The following MTUS1 variants were observed in gnomAD, a reference collection of about 807,000 sequenced individuals.
MTUS1 encodes the protein microtubule-associated tumor suppressor 1.
A neutral mutation model predicts 120.8 loss-of-function variants in MTUS1; 109 were observed. The ratio of observed to expected loss-of-function variants is 0.90; its 90% CI spans 0.77 to 1.06. The LOEUF (loss-of-function observed/expected upper bound fraction) is 1.06. Among genes scored for constraint, MTUS1 ranks in the 50% least tolerant of loss-of-function variants. The probability of loss-of-function intolerance (pLI) is 0.00; values close to 1 mark genes in which losing one functional copy is unlikely to be tolerated. For synonymous variants in MTUS1, 737 were observed against 550.5 expected, an observed-to-expected ratio of 1.34 and a Z score of -4.74; for missense variants, 2,210 against 1,486.3, an observed-to-expected ratio of 1.49 and a Z score of -8.01.
chr8:17,653,550 G>A (rs1807522930), intron 10 of MTUS1, 52 bp from the exon 11 acceptor site: 2 of 1,328,944 alleles, frequency 1.5e-6, no homozygotes, highest in African/African-American at 1.5e-5. Context: ...TGAGATCAAT[G>A]TACTCTAAAA....
rs186693071 is a variant in MTUS1 at position 17,653,477 on chromosome 8, A to G, written c.3236T>C (p.Ile1079Thr). 1.2e-6 allele frequency: 2 copies of G among 1,611,952 alleles called. No individual in the cohort carries two copies. Among genetic ancestry groups the G allele is most frequent in the East Asian group, 2.2e-5 (1 of 44,824 alleles). The change falls in exon 11 of 15, where the codon ATA (isoleucine) becomes ACA (threonine). Residue 1079 changes from isoleucine to threonine, a missense_variant. Ile to Thr is a moderately conservative substitution (Grantham distance 89). Coordinates refer to ENST00000693296, the MANE Select transcript of MTUS1 (RefSeq NM_001363059.2). ...SLSEIKKGHEIEKKSLEDLLS... is the reference protein window; with the variant it reads ...SLSEIKKGHETEKKSLEDLLS... Reference sequence around the variant, plus strand: ...TAAATCTTCAAGCGATTTCTTTTCTATTTCATGGCCTTTCTTAATTTCTGG... The same window carrying G: ...TAAATCTTCAAGCGATTTCTTTTCTGTTTCATGGCCTTTCTTAATTTCTGG...
chr8:17,708,178 G>C (rs568391150), intron 6 of MTUS1, among the ~76,000 whole-genome samples: 1 of 152,202 alleles, frequency 6.6e-6, no homozygotes, highest in Non-Finnish European at 1.5e-5. Flanking sequence ...ACACACCCAA[G>C]AATTGGGAGA....
Position 17,743,198 on chromosome 8 carries a change from A to G in MTUS1, c.2287+406T>C, listed in dbSNP as rs17125229. Among the ~76,000 whole-genome samples, 1,370 of 152,274 alleles carry G rather than the reference A, an allele frequency of 9.0e-3. 21 individuals carry two copies. Among genetic ancestry groups the G allele is most frequent in the African/African-American group, 0.029 (1,205 of 41,554 alleles). On this transcript the variant is annotated intron_variant, in intron 3 of 14. Transcript: ENST00000693296. ...CATATCCCTCCTAAATCTATCATAC[A>G]TCTTTCAGTAAAATTAAAAAAAAAA... is the stretch of plus-strand genomic sequence containing the variant.
At chr8:17,787,549 T>C (rs1422601599) in intron 1 of MTUS1, among the ~76,000 whole-genome samples, 4 of 152,206 alleles carry the variant, frequency 2.6e-5, no homozygotes, top group Non-Finnish European at 5.9e-5. Context: ...AGCCACCTGA[T>C]ATGAGAAGCA....
At chr8:17,671,554 A>G (rs17125059) in intron 8 of MTUS1, among the ~76,000 whole-genome samples, 6,348 of 152,294 alleles carry the variant, frequency 0.042, 443 homozygotes, top group African/African-American at 0.14. Context: ...GTGGAAACAC[A>G]CAGGCTGCTT....
At chr8:17,783,586 T>C (rs112618516) in intron 1 of MTUS1, among the ~76,000 whole-genome samples, 3,946 of 152,162 alleles carry the variant, frequency 0.026, 179 homozygotes, top group African/African-American at 0.089. Flanking sequence ...AATGTGGAAA[T>C]TCACAAGTTG....
intron 8 of MTUS1, among the ~76,000 whole-genome samples, chr8:17,673,257 G>T (rs763805060): frequency 1.3e-5 from 2 of 152,176 alleles, no homozygotes; most frequent in Admixed American, 1.3e-4. Flanking sequence ...GGATTTCCTT[G>T]AACTGTTTCA....
At chr8:17,750,671 T>C (rs978694586) in intron 2 of MTUS1, among the ~76,000 whole-genome samples, 2 of 152,222 alleles carry the variant, frequency 1.3e-5, no homozygotes, top group Middle Eastern at 3.4e-3. Context: ...TAAATAACAA[T>C]GTATGGAAAG....
intron 6 of MTUS1, among the ~76,000 whole-genome samples, chr8:17,691,095 G>C (rs1816853649): frequency 6.6e-6 from 1 of 152,146 alleles, no homozygotes; most frequent in Non-Finnish European, 1.5e-5. Flanking sequence ...TATTCCTCCA[G>C]TGTCTCTTGA....
chr8:17,708,572 A>G (rs542389169), intron 6 of MTUS1, among the ~76,000 whole-genome samples: 1 of 152,348 alleles, frequency 6.6e-6, no homozygotes, highest in Non-Finnish European at 1.5e-5. Flanking sequence ...CAGAGCTACC[A>G]ATTGAGCCAG....
At chr8:17,700,103 A>G (rs182433669) in intron 6 of MTUS1, among the ~76,000 whole-genome samples, 36 of 152,342 alleles carry the variant, frequency 2.4e-4, no homozygotes, top group African/African-American at 8.2e-4. Flanking sequence ...CAAGGACAGT[A>G]GAGGAAAAAA....
intron 1 of MTUS1, among the ~76,000 whole-genome samples, chr8:17,797,645 T>A (rs2052352216): frequency 6.6e-6 from 1 of 152,110 alleles, no homozygotes; most frequent in Non-Finnish European, 1.5e-5. Flanking sequence ...CACCACTGTA[T>A]CCGCTGCTAA....
intron 6 of MTUS1, among the ~76,000 whole-genome samples, chr8:17,711,361 G>C (rs762376935): frequency 2.6e-5 from 4 of 152,304 alleles, no homozygotes; most frequent in Non-Finnish European, 4.4e-5. Context: ...ACTCGCTGTA[G>C]CTTCTACATC....
intron 1 of MTUS1, among the ~76,000 whole-genome samples, chr8:17,784,789 C>CTT (rs35184947): frequency 0.057 from 8,364 of 147,228 alleles, 509 homozygotes; most frequent in African/African-American, 0.15. Context: ...ACAAGAAGAA[C>CTT]TTTTTTTTTT....
Position 17,646,024 on chromosome 8 carries a change from G to C in MTUS1, c.3715C>G (p.Leu1239Val). Reference protein sequence around the residue: ...ELLWKLHNGDLCSPKRSPTSS... With the variant: ...ELLWKLHNGDVCSPKRSPTSS... ...GTGGGGGATCTCTTGGGGCTACACA[G>C]GTCCCCATTGTGCAGTTTCCACAGA... Residue 1239 changes from leucine to valine, a missense_variant, in exon 15 of 15, where the codon CTG becomes GTG. Physicochemically the swap from Leu to Val is conservative, Grantham distance 32. Transcript: ENST00000693296. The C allele has an allele frequency of 2.5e-6, 4 of 1,613,706 alleles. No individual in the cohort carries two copies. Among genetic ancestry groups the C allele is most frequent in the Non-Finnish European group, 3.4e-6 (4 of 1,179,952 alleles).
chr8:17,737,788 C>T (rs1175063785), intron 3 of MTUS1, among the ~76,000 whole-genome samples: 2 of 152,198 alleles, frequency 1.3e-5, no homozygotes, highest in Non-Finnish European at 2.9e-5. Context: ...TGTCCGGCCT[C>T]AACTTGGCTT....
At chr8:17,762,563 G>C (rs2049126966) in intron 1 of MTUS1, among the ~76,000 whole-genome samples, 2 of 152,124 alleles carry the variant, frequency 1.3e-5, no homozygotes, top group South Asian at 4.1e-4. Context: ...GGAGTACTTG[G>C]TGGTCAATTT....
chr8:17,717,871 C>G (rs1822640764), intron 4 of MTUS1, among the ~76,000 whole-genome samples: 1 of 152,128 alleles, frequency 6.6e-6, no homozygotes. Context: ...TAACACGCAA[C>G]ATGAAGTCAG....
intron 1 of MTUS1, among the ~76,000 whole-genome samples, chr8:17,788,312 C>T (rs190389837): frequency 6.6e-6 from 1 of 152,176 alleles, no homozygotes; most frequent in African/African-American, 2.4e-5. Context: ...AGTGTGTATT[C>T]TGAGACATAT....
Sources: gnomAD v4.1 joint callset for allele counts (sites outside exome capture counted in the v4.1 genomes callset) on GRCh38, gnomAD v4.1.1 for gene constraint, MANE v1.5 for transcripts, NCBI Gene and HGNC (gene_info 2026-07-23, HGNC 2026-07-21) for gene names.